SGSH: variants seen among roughly 807,000 people sequenced by gnomAD.
The protein encoded by SGSH is N-sulfoglucosamine sulfohydrolase, also known as heparan sulfate sulfatase.
Under a neutral mutation model 51.0 loss-of-function variants are expected in SGSH, and 48 were observed. That is an observed-to-expected ratio of 0.94 (90% CI 0.75 to 1.20). The LOEUF is 1.20. Among genes scored for constraint, SGSH ranks in the 50% most tolerant of loss-of-function variants. The probability of loss-of-function intolerance (pLI) is 0.00; values close to 1 mark genes in which losing one functional copy is unlikely to be tolerated. For synonymous variants in SGSH, 321 were observed against 313.4 expected (o/e 1.02, Z -0.26); for missense variants, 662 against 717.8 (o/e 0.92, Z 0.89).
Position 80,209,947 on chromosome 17 carries a change from C to A in SGSH, c.*505G>T. On this transcript the variant is annotated 3_prime_UTR_variant, in exon 8 of 8. Transcript: ENST00000326317. Reference sequence around the variant, plus strand: ...AGGCCAGACGCTGGTAAGAGCCAGGCGCCGTGCTCCCAGGTGAGTGTCGGT... The same window carrying A: ...AGGCCAGACGCTGGTAAGAGCCAGGAGCCGTGCTCCCAGGTGAGTGTCGGT... The A allele has an allele frequency of 1.0e-6, 1 of 1,001,020 alleles. No individual in the cohort carries two copies. The highest frequency in any genetic ancestry group is 1.2e-6 in the Non-Finnish European group (1 of 837,696). 62.0% of individuals were successfully genotyped at this position (1,001,020 alleles called of 1,614,324 possible).
downstream of SGSH, chr17:80,205,698 T>C (rs1364274844): frequency 1.3e-6 from 2 of 1,498,056 alleles, no homozygotes; most frequent in Non-Finnish European, 1.8e-6. Context: ...CTGGGAAGGG[T>C]TTCAGGAATG....
At position 80,210,480 on chromosome 17, in the gene SGSH, T is replaced by A; in HGVS notation, c.1481A>T (p.Gln494Leu). 6.2e-7 allele frequency: 1 copy of A among 1,601,240 alleles called. No homozygotes were observed. Among genetic ancestry groups the A allele is most frequent in the South Asian group, 1.1e-5 (1 of 90,716 alleles). Reference sequence around the variant, plus strand: ...CAGCTCATTGTGGAGGGGCTGGCACTGGGGAGAGAGCTTCTCCTCCAGGAC... The same window carrying A: ...CAGCTCATTGTGGAGGGGCTGGCACAGGGGAGAGAGCTTCTCCTCCAGGAC... Reference protein sequence around the residue: ...DGVLEEKLSPQCQPLHNEL With the variant: ...DGVLEEKLSPLCQPLHNEL The change falls in exon 8 of 8, where the codon CAG becomes CTG. Residue 494 changes from glutamine to leucine, a missense_variant. By Grantham distance (113) the Gln-to-Leu change is moderately radical. Transcript: ENST00000326317.
downstream of SGSH, chr17:80,205,004 T>A: frequency 6.6e-7 from 1 of 1,519,480 alleles, no homozygotes; most frequent in Non-Finnish European, 8.9e-7. Context: ...TGCCGCAGCC[T>A]CACCCACCCT....
At chr17:80,218,573 T>G (rs951178267) in intron 1 of SGSH, among the ~76,000 whole-genome samples, 6 of 152,106 alleles carry the variant, frequency 3.9e-5, no homozygotes, top group African/African-American at 1.4e-4. Context: ...GCTTCCATCC[T>G]CCACCCCACA....
At chr17:80,203,764 C>T, downstream of SGSH, 1 of 1,425,240 alleles carries the variant, frequency 7.0e-7, no homozygotes, top group Non-Finnish European at 9.7e-7. The surrounding 1 kb of genome is among the most constrained non-coding windows in gnomAD (Gnocchi z 4.6). Flanking sequence ...TCGGCTCTCC[C>T]CTGCCCTGCT....
Position 80,215,705 on chromosome 17 carries a change from G to A in SGSH, c.250-567C>T, listed in dbSNP as rs1446253349. Among the ~76,000 whole-genome samples, 4 of 152,136 alleles carry A rather than the reference G, an allele frequency of 2.6e-5. No individual in the cohort carries two copies. In the East Asian group the frequency reaches 7.7e-4, roughly 29 times the overall value. Reference sequence around the variant, plus strand: ...GTGGTGGCGGGCGCCTGTAGTCCCAGCTACTCGGGAGGCCGAGGTAGGAGA... The same window carrying A: ...GTGGTGGCGGGCGCCTGTAGTCCCAACTACTCGGGAGGCCGAGGTAGGAGA... On this transcript the variant is annotated intron_variant, in intron 2 of 7. Transcript: ENST00000326317.
chr17:80,216,508 T>C (rs567102208), intron 2 of SGSH, among the ~76,000 whole-genome samples: 2 of 152,228 alleles, frequency 1.3e-5, no homozygotes, highest in Non-Finnish European at 2.9e-5. Flanking sequence ...TGCATAACAC[T>C]GTGAATGCAC....
rs537334700 is a variant in SGSH at position 80,216,856 on chromosome 17, G to A, written c.249+176C>T. On this transcript the variant is annotated intron_variant, in intron 2 of 7. Transcript: ENST00000326317. ...CAGTGCAGCCAGGGCTGGCGGGTGA[G>A]TCGGAGCCCCTAGTCTGCACTCACA... 1.4e-3 allele frequency: 927 copies of A among 644,516 alleles called. 17 individuals are homozygous for A. In the South Asian group the frequency reaches 0.016, roughly 11 times the overall value. 39.9% of individuals were successfully genotyped at this position (644,516 alleles called of 1,614,324 possible).
chr17:80,215,139 C>T lies in SGSH; in HGVS notation c.250-1G>A. 6.2e-7 allele frequency: 1 copy of T among 1,609,958 alleles called. No individual in the cohort carries two copies. Among genetic ancestry groups the T allele is most frequent in the Non-Finnish European group, 8.5e-7 (1 of 1,179,370 alleles). The stretch of plus-strand genomic sequence containing the variant: ...GCAGCCCGTACATCCCATTCTGATG[C>T]TGCCAGCAAAGGCGCATGAGGTCCG... On this transcript the variant is annotated splice_acceptor_variant, in intron 2 of 7. Transcript: ENST00000326317. LOFTEE classifies it high-confidence loss of function.
At chr17:80,214,571 G>A (rs766123849) in intron 4 of SGSH, 44 bp downstream of exon 4, 20 of 1,591,508 alleles carry the variant, frequency 1.3e-5, no homozygotes, top group Non-Finnish European at 1.7e-5. Context: ...GCTGTGCTCT[G>A]GTACCGGCCG....
intron 5 of SGSH, 43 bp downstream of exon 5, chr17:80,214,129 C>T (rs368461024): frequency 6.3e-6 from 10 of 1,580,750 alleles, no homozygotes; most frequent in Middle Eastern, 3.3e-4. Flanking sequence ...GTCCCCGACC[C>T]AGGGCTGACG....
At chr17:80,201,658 C>CGCCT in the SGSH span, 8 of 1,469,512 alleles carry the variant, frequency 5.4e-6, no homozygotes, top group South Asian at 9.1e-5. The surrounding 1 kb of genome is among the most constrained non-coding windows in gnomAD (Gnocchi z 5.0). Flanking sequence ...GCCCGCGCCT[C>CGCCT]GCCTCAGTGC....
downstream of SGSH, chr17:80,205,610 C>G: frequency 6.5e-7 from 1 of 1,549,244 alleles, no homozygotes. Context: ...CCGGGGGCCG[C>G]TGCTGGGTGA....
chr17:80,211,859 T>C (rs1336406372), intron 7 of SGSH: 1 of 606,098 alleles, frequency 1.6e-6, no homozygotes, highest in Non-Finnish European at 3.0e-6. Flanking sequence ...AATCCTAGCT[T>C]AGTGCTTACC....
At chr17:80,216,094 C>T (rs1332307623) in intron 2 of SGSH, among the ~76,000 whole-genome samples, 3 of 152,114 alleles carry the variant, frequency 2.0e-5, no homozygotes, top group South Asian at 2.1e-4. Context: ...TTTGGGAGGT[C>T]GAGGCGGGCA....
rs2041575628 is a variant in SGSH at position 80,210,164 on chromosome 17, C to T, written c.*288G>A. 7.4e-7 allele frequency: 1 copy of T among 1,353,060 alleles called. No individual in the cohort carries two copies. 83.8% of individuals were successfully genotyped at this position (1,353,060 alleles called of 1,614,324 possible). On this transcript the variant is annotated 3_prime_UTR_variant, in exon 8 of 8. Transcript: ENST00000326317. ...TGCCCTGTCCGCAGACCACGTATGT[C>T]TAGAATTCCCGTGCTGGGACATGGT...
chr17:80,210,346 G>A lies in SGSH; in HGVS notation c.*106C>T. 6.9e-7 allele frequency: 1 copy of A among 1,457,490 alleles called. No homozygotes were observed. 90.3% of individuals were successfully genotyped at this position (1,457,490 alleles called of 1,614,324 possible). A position where few individuals can be genotyped will look rare whatever the true frequency, so the allele number is the denominator to read the frequency against. ...AGAACCCTCCTTGGATGGGAGTGTGGACGGAAGGGCTGTTGCCACTACTCC... is the reference window on the plus strand; with the variant it reads ...AGAACCCTCCTTGGATGGGAGTGTGAACGGAAGGGCTGTTGCCACTACTCC... On this transcript the variant is annotated 3_prime_UTR_variant, in exon 8 of 8. Coordinates refer to ENST00000326317, the MANE Select transcript of SGSH (RefSeq NM_000199.5).
In SGSH at chr17:80,210,137, G is replaced by A. The variant is rs2071148; in HGVS notation, c.*315C>T. ...GACTCCCTTGTCATGGGCTGGGGGC[G>A]CTGCCCTGTCCGCAGACCACGTATG... On this transcript the variant is annotated 3_prime_UTR_variant, in exon 8 of 8. Transcript: ENST00000326317. The A allele has an allele frequency of 0.56, 698,540 of 1,255,602 alleles. 198,573 individuals are homozygous for A. Among genetic ancestry groups the A allele is most frequent in the East Asian group, 0.62 (16,762 of 27,224 alleles). The allele number at this position is 1,255,602 out of a possible 1,614,324, so 77.8% of individuals were successfully genotyped here.
rs2041559651 is a variant in SGSH at position 80,209,837 on chromosome 17, A to T, written c.*615T>A. 1.3e-5 allele frequency: 13 copies of T among 987,954 alleles called. No individual in the cohort carries two copies. Among genetic ancestry groups the T allele is most frequent in the Non-Finnish European group, 1.6e-5 (13 of 831,716 alleles). The allele number at this position is 987,954 out of a possible 1,614,324, so 61.2% of individuals were successfully genotyped here. On this transcript the variant is annotated 3_prime_UTR_variant, in exon 8 of 8. Transcript: ENST00000326317. ...AGGGAGCCTGCTGCCAATCAGCTGA[A>T]ACCTGCCTGGGGAACAGGGACTTGA...
Sources: allele counts gnomAD v4.1 joint callset (sites outside exome capture counted in the v4.1 genomes callset), GRCh38; gene constraint gnomAD v4.1.1; non-coding constraint Gnocchi (gnomAD v3.1); transcripts MANE v1.5; gene names NCBI Gene and HGNC (gene_info 2026-07-23, HGNC 2026-07-21).